The following RILPL1 variants were observed in gnomAD, a reference collection of about 807,000 sequenced individuals.
RILPL1 encodes the protein RILP-like protein 1.
A neutral mutation model predicts 50.3 loss-of-function variants in RILPL1; 33 were observed. That is an observed-to-expected ratio of 0.66 (90% CI 0.50 to 0.88). RILPL1 has a LOEUF of 0.88. RILPL1 is among the 40% of genes least tolerant of loss of function. The probability of loss-of-function intolerance (pLI) is 0.00; values close to 1 mark genes in which losing one functional copy is unlikely to be tolerated. For missense variants in RILPL1, 418 were observed against 542.5 expected (o/e 0.77, Z 2.28); for synonymous variants, 205 against 228.6 (o/e 0.90, Z 0.93).
chr12:123,481,784 C>T (rs1382468245), intron 6 of RILPL1, among the ~76,000 whole-genome samples: 1 of 151,548 alleles, frequency 6.6e-6, no homozygotes, highest in Non-Finnish European at 1.5e-5. Context: ...CTCAAACTCC[C>T]GACCTCAGCT....
intron 1 of RILPL1, among the ~76,000 whole-genome samples, chr12:123,531,475 C>T (rs573491178): frequency 2.6e-5 from 4 of 152,186 alleles, no homozygotes; most frequent in Admixed American, 6.6e-5. Flanking sequence ...TAATAAGAGG[C>T]GCCACACGAG....
Position 123,498,731 on chromosome 12 carries a change from T to C in RILPL1, c.614A>G (p.Asn205Ser), listed in dbSNP as rs1883187565. 1.2e-6 allele frequency: 2 copies of C among 1,613,424 alleles called. No individual in the cohort carries two copies. Among genetic ancestry groups the C allele is most frequent in the Non-Finnish European group, 1.7e-6 (2 of 1,179,878 alleles). The change falls in exon 4 of 7, where the codon AAC becomes AGC. Residue 205 changes from asparagine (N) to serine (S), a missense_variant. Coordinates refer to ENST00000376874, the MANE Select transcript of RILPL1 (RefSeq NM_178314.5). This position sits in a 1 kb window ranked among gnomAD's most constrained non-coding sequence, Gnocchi z 4.3. ...QQQQTRLMKI[N>S]HDLRHRVTVV... ...CGTGACCCGGTGCCGAAGGTCATGG[T>C]TGATCTTCATCAGCCGTGTCTGCTG... is the stretch of plus-strand genomic sequence containing the variant.
intron 2 of RILPL1, among the ~76,000 whole-genome samples, chr12:123,511,438 GT>G: frequency 8.0e-6 from 1 of 124,862 alleles, no homozygotes; most frequent in Admixed American, 8.1e-5. Flanking sequence ...CTCTGTGTGT[GT>G]GGTCTCTGTG....
At chr12:123,531,037 G>A (rs1885424870) in intron 1 of RILPL1, among the ~76,000 whole-genome samples, 1 of 151,886 alleles carries the variant, frequency 6.6e-6, no homozygotes, top group South Asian at 2.1e-4. Context: ...GAGGAATGGA[G>A]GTGGACAGAC....
At chr12:123,477,487 C>T (rs1263313321) in intron 6 of RILPL1, among the ~76,000 whole-genome samples, 1 of 151,800 alleles carries the variant, frequency 6.6e-6, no homozygotes. Context: ...TACAGGCGTG[C>T]ACCACCCTGC....
chr12:123,475,701 C>CT, intron 6 of RILPL1: 2 of 1,594,164 alleles, frequency 1.3e-6, no homozygotes, highest in Non-Finnish European at 1.7e-6. Flanking sequence ...AGTGTGGGGT[C>CT]ATCTATTATC....
In RILPL1 at chr12:123,522,765, A is replaced by T. The variant is rs566287680; in HGVS notation, c.460+730T>A. On this transcript the variant is annotated intron_variant, in intron 2 of 6. Coordinates refer to ENST00000376874, the MANE Select transcript of RILPL1 (RefSeq NM_178314.5). This position sits in a 1 kb window ranked among gnomAD's most constrained non-coding sequence, Gnocchi z 4.0. ...GCACCACTGCACCTGGCTTATTTTT[A>T]AAAAAATCGTTAGTAGAGACGGGGT... 5.9e-5 allele frequency among the ~76,000 whole-genome samples: 9 copies of T among 152,050 alleles called. No individual in the cohort carries two copies. Among genetic ancestry groups the T allele is most frequent in the South Asian group, 4.2e-4 (2 of 4,818 alleles).
chr12:123,531,396 GC>G (rs1374761156), intron 1 of RILPL1, among the ~76,000 whole-genome samples: 2 of 152,152 alleles, frequency 1.3e-5, no homozygotes, highest in African/African-American at 4.8e-5. Context: ...GAACTAAAGA[GC>G]CCCAGTTGGG....
chr12:123,533,424 G>C lies in RILPL1; in HGVS notation c.59C>G (p.Ala20Gly). The change falls in exon 1 of 7, where the codon GCC (alanine) becomes GGC (glycine). Residue 20 changes from alanine (A) to glycine (G), a missense_variant. Transcript: ENST00000376874. This position sits in a 1 kb window ranked among gnomAD's most constrained non-coding sequence, Gnocchi z 6.2. The stretch of plus-strand genomic sequence containing the variant: ...GTACACGTCCATGACGGTCAGCTCG[G>C]CCACGTTCTTCTCCAGCGCCGACTC... Reference protein sequence around the residue: ...AAESALEKNVAELTVMDVYDI... With the variant: ...AAESALEKNVGELTVMDVYDI... 1.3e-6 allele frequency: 2 copies of C among 1,541,886 alleles called. No homozygotes were observed. Among genetic ancestry groups the C allele is most frequent in the Non-Finnish European group, 1.8e-6 (2 of 1,142,594 alleles).
At chr12:123,494,252 A>G (rs1364814085) in intron 4 of RILPL1, among the ~76,000 whole-genome samples, 1 of 152,194 alleles carries the variant, frequency 6.6e-6, no homozygotes, top group Non-Finnish European at 1.5e-5. Context: ...GCAGCAAGTG[A>G]TGAAACCACC....
intron 2 of RILPL1, among the ~76,000 whole-genome samples, chr12:123,504,875 A>G (rs188631805): frequency 3.1e-4 from 47 of 152,100 alleles, no homozygotes; most frequent in African/African-American, 1.0e-3. Context: ...CCTTGTCACC[A>G]GGGCACGAGA....
chr12:123,477,960 TCTGA>T (rs1881706105), intron 6 of RILPL1, among the ~76,000 whole-genome samples: 3 of 149,058 alleles, frequency 2.0e-5, no homozygotes, highest in South Asian at 2.1e-4. Context: ...CCTGGAGTGT[TCTGA>T]CTGAGTTACT....
intron 1 of RILPL1, among the ~76,000 whole-genome samples, chr12:123,528,470 C>T (rs1184897031): frequency 1.3e-5 from 2 of 151,668 alleles, no homozygotes; most frequent in Admixed American, 6.6e-5. Flanking sequence ...CTCTGTCACC[C>T]AGGCTGGAGT....
At chr12:123,512,191 CTGTG>C (rs1224524985) in intron 2 of RILPL1, among the ~76,000 whole-genome samples, 1 of 72,094 alleles carries the variant, frequency 1.4e-5, no homozygotes, top group East Asian at 4.8e-4. Flanking sequence ...TGTGTGAGGT[CTGTG>C]TGTGTGGTGT....
chr12:123,523,473 A>C, intron 2 of RILPL1, 22 bp downstream of exon 2: 2 of 1,613,790 alleles, frequency 1.2e-6, no homozygotes, highest in South Asian at 2.2e-5. Context: ...GCCCCCTTGC[A>C]TTGGCGCCGA....
At chr12:123,493,977 G>A (rs1882862968) in intron 4 of RILPL1, among the ~76,000 whole-genome samples, 1 of 151,864 alleles carries the variant, frequency 6.6e-6, no homozygotes, top group Non-Finnish European at 1.5e-5. Context: ...AGAGACGGGG[G>A]TTTCATCATG....
chr12:123,528,849 T>G (rs1434502036), intron 1 of RILPL1, among the ~76,000 whole-genome samples: 4 of 152,080 alleles, frequency 2.6e-5, no homozygotes. Flanking sequence ...CGCCTCTGAG[T>G]TGACCACTCA....
Position 123,511,180 on chromosome 12 carries a change from CTG to C in RILPL1, c.461-11646_461-11645del, listed in dbSNP as rs1316258471. Among the ~76,000 whole-genome samples the C allele has an allele frequency of 4.3e-4, 34 of 79,524 alleles. 1 individual carries two copies. The highest frequency in any genetic ancestry group is 1.3e-3 in the South Asian group (3 of 2,384). 52.2% of individuals were successfully genotyped at this position (79,524 alleles called of 152,430 possible). A position where few individuals can be genotyped will look rare whatever the true frequency, so the allele number is the denominator to read the frequency against. On this transcript the variant is annotated intron_variant, in intron 2 of 6. Transcript: ENST00000376874. ...TCTGTGTGTGGTGTTTGTGTGAGGT[CTG>C]TGTGTGTGTGGTGTGTGAGGTCTGT...
chr12:123,512,708 T>C (rs1484342137), intron 2 of RILPL1, among the ~76,000 whole-genome samples: 3 of 129,380 alleles, frequency 2.3e-5, no homozygotes, highest in African/African-American at 9.0e-5. Flanking sequence ...TGTATGTGTG[T>C]GGTGTGTGTG....
Sources: gnomAD v4.1 joint callset for allele counts (sites outside exome capture counted in the v4.1 genomes callset) on GRCh38, gnomAD v4.1.1 for gene constraint, Gnocchi (gnomAD v3.1) non-coding constraint, MANE v1.5 for transcripts, NCBI Gene and HGNC (gene_info 2026-07-23, HGNC 2026-07-21) for gene names.